The following PRKAR1B variants were observed in gnomAD, a reference collection of about 807,000 sequenced individuals.
PRKAR1B encodes protein kinase cAMP-dependent type I regulatory subunit beta.
A neutral mutation model predicts 46.5 loss-of-function variants in PRKAR1B; 22 were observed. The ratio of observed to expected loss-of-function variants is 0.47; its 90% CI spans 0.34 to 0.68. The LOEUF is 0.68. Ranked by LOEUF, PRKAR1B falls within the 30% of genes least tolerant of loss-of-function variation. PRKAR1B has a pLI of 0.01. For synonymous variants in PRKAR1B, 259 were observed against 217.7 expected, an observed-to-expected ratio of 1.19 and a Z score of -1.67; for missense variants, 445 against 535.6, an observed-to-expected ratio of 0.83 and a Z score of 1.67.
At chr7:570,455 G>A (rs1232343972) in intron 9 of PRKAR1B, among the ~76,000 whole-genome samples, 3 of 152,012 alleles carry the variant, frequency 2.0e-5, no homozygotes, top group African/African-American at 7.2e-5. Context: ...GCGCTCCTGT[G>A]TCCCCGAGGC....
chr7:717,184 GA>G (rs1261596848), intron 1 of PRKAR1B, among the ~76,000 whole-genome samples: 1 of 151,974 alleles, frequency 6.6e-6, no homozygotes. Context: ...AGCTACTTGG[GA>G]GGCTGAGGCA....
chr7:580,899 G>C (rs879892650), intron 8 of PRKAR1B, among the ~76,000 whole-genome samples: 2 of 152,148 alleles, frequency 1.3e-5, no homozygotes, highest in African/African-American at 2.4e-5. Flanking sequence ...GGCGCCGTAG[G>C]TTGCAAAGGA....
In PRKAR1B at chr7:666,247, A is replaced by T. The variant is rs1034527147; in HGVS notation, c.440+10982T>A. Among the ~76,000 whole-genome samples, 1 of 130,088 alleles carries T rather than the reference A, an allele frequency of 7.7e-6. No individual in the cohort carries two copies. The highest frequency in any genetic ancestry group is 1.5e-5 in the Non-Finnish European group (1 of 66,792). 85.3% of individuals were successfully genotyped at this position (130,088 alleles called of 152,430 possible). A position where few individuals can be genotyped will look rare whatever the true frequency, so the allele number is the denominator to read the frequency against. ...GACACACGCTCCAGGGACAGCCTTC[A>T]TGGTCCTGGCACATCAGAGAGCTCC... On this transcript the variant is annotated intron_variant, in intron 4 of 10. Transcript: ENST00000537384. This position sits in a 1 kb window ranked among gnomAD's most constrained non-coding sequence, Gnocchi z 4.9.
At chr7:653,246 G>A (rs77306012) in intron 4 of PRKAR1B, among the ~76,000 whole-genome samples, 1,981 of 152,288 alleles carry the variant, frequency 0.013, 20 homozygotes, top group Middle Eastern at 0.024. Flanking sequence ...CCAATGTCAA[G>A]TACACCATAG....
At chr7:599,671 C>T (rs534064556) in intron 6 of PRKAR1B, among the ~76,000 whole-genome samples, 57 of 152,390 alleles carry the variant, frequency 3.7e-4, no homozygotes, top group African/African-American at 1.3e-3. Context: ...TCTCTGGCGC[C>T]GAGCTCACAC....
chr7:678,838 C>T (rs1478775660), intron 3 of PRKAR1B, among the ~76,000 whole-genome samples: 2 of 152,228 alleles, frequency 1.3e-5, no homozygotes, highest in African/African-American at 4.8e-5. Context: ...GTAATCCCAG[C>T]ACTTTGGGAG....
intron 4 of PRKAR1B, among the ~76,000 whole-genome samples, chr7:615,678 A>T (rs1200570632): frequency 1.3e-5 from 2 of 150,320 alleles, no homozygotes; most frequent in Non-Finnish European, 3.0e-5. Context: ...ACAAAAAAAA[A>T]TTAGCCGGGC....
At chr7:615,700 C>A (rs1315982201) in intron 4 of PRKAR1B, among the ~76,000 whole-genome samples, 1 of 149,692 alleles carries the variant, frequency 6.7e-6, no homozygotes, top group Admixed American at 6.7e-5. Context: ...TGGTGGCAGG[C>A]GCCTGTAGTC....
chr7:649,301 G>T lies in PRKAR1B; in HGVS notation c.440+27928C>A, dbSNP rs533358042. Among the ~76,000 whole-genome samples the T allele has an allele frequency of 3.9e-5, 6 of 152,204 alleles. 1 individual carries two copies. In the South Asian group the frequency reaches 8.3e-4, roughly 21 times the overall value. Reference sequence around the variant, plus strand: ...ATGTAAAAATGTTTTAATTTAAAACGTATCTTAATATTTTTTGATCTCCCT... The same window carrying T: ...ATGTAAAAATGTTTTAATTTAAAACTTATCTTAATATTTTTTGATCTCCCT... On this transcript the variant is annotated intron_variant, in intron 4 of 10. Coordinates refer to ENST00000537384, the MANE Select transcript of PRKAR1B (RefSeq NM_001164760.2).
At chr7:637,635 A>C (rs1583337845) in intron 4 of PRKAR1B, among the ~76,000 whole-genome samples, 1 of 152,124 alleles carries the variant, frequency 6.6e-6, no homozygotes, top group African/African-American at 2.4e-5. Context: ...GGAGATCGAG[A>C]CCAGCCTGGC....
chr7:587,184 ACACT>A (rs1165143566), intron 7 of PRKAR1B, among the ~76,000 whole-genome samples: 2 of 152,148 alleles, frequency 1.3e-5, no homozygotes, highest in Non-Finnish European at 2.9e-5. Context: ...AAGACCCCTG[ACACT>A]CAGAGGAGCC....
At position 706,237 on chromosome 7, in the gene PRKAR1B, G is replaced by T. The variant is rs1406846265; in HGVS notation, c.177+5092C>A. On this transcript the variant is annotated intron_variant, in intron 2 of 10. Coordinates refer to ENST00000537384, the MANE Select transcript of PRKAR1B (RefSeq NM_001164760.2). ...GCTACTCAGGAAGCTGAGGTGGGAA[G>T]ATGGCTTGAGCCTGAGAGGTGGAGG... Among the ~76,000 whole-genome samples, 3 of 152,096 alleles carry T rather than the reference G, an allele frequency of 2.0e-5. No homozygotes were observed. In the East Asian group the frequency reaches 5.8e-4, roughly 29 times the overall value.
intron 9 of PRKAR1B, among the ~76,000 whole-genome samples, chr7:556,637 G>A (rs562849423): frequency 6.6e-6 from 1 of 152,350 alleles, no homozygotes; most frequent in East Asian, 1.9e-4. Context: ...CCTCCCGGAA[G>A]GGGCTGTGGC....
rs1783171613 is a variant in PRKAR1B, at chr7:622,646, G to A, written c.441-15194C>T. 2.6e-5 allele frequency among the ~76,000 whole-genome samples: 4 copies of A among 152,096 alleles called. No individual in the cohort carries two copies. The South Asian group carries it at 8.3e-4, about 32-fold the overall frequency. ...GGGTTGTTATTCCCCCTCCCATGAT[G>A]TCAAAGAGCAGAACACACAGAGGCA... On this transcript the variant is annotated intron_variant, in intron 4 of 10. Transcript: ENST00000537384.
In PRKAR1B at chr7:680,776, G is replaced by A. The variant is rs187610634; in HGVS notation, c.178-50C>T. The A allele has an allele frequency of 1.4e-4, 221 of 1,604,038 alleles. No homozygotes were observed. The African/African-American group carries it at 2.0e-3, about 14-fold the overall frequency. ...AAGGAAGTAAGAACCTGGCTGTCCC[G>A]GCCAGGCACAGGGCCCATGCCTGTG... On this transcript the variant is annotated intron_variant, in intron 2 of 10. Coordinates refer to ENST00000537384, the MANE Select transcript of PRKAR1B (RefSeq NM_001164760.2).
intron 7 of PRKAR1B, among the ~76,000 whole-genome samples, chr7:588,567 T>TGATGGTGATGGTGG (rs1780748149): frequency 3.6e-4 from 7 of 19,324 alleles, no homozygotes; most frequent in East Asian, 1.9e-3. Context: ...GGTGGTGATG[T>TGATGGTGATGGTGG]TGGTGAGGAT....
In PRKAR1B at chr7:677,237, G is replaced by A. The variant is rs536995119; in HGVS notation, c.432C>T (p.Asn144=). 25 of 1,614,216 alleles carry A rather than the reference G, an allele frequency of 1.5e-5. No homozygotes were observed. The East Asian group carries it at 1.6e-4, about 10-fold the overall frequency. ...GGGACGAGTCTGCCTACCTCCTCTCGTTGTCATCCAGGTGAGCGAAGAGCA... is the reference window on the plus strand; with the variant it reads ...GGGACGAGTCTGCCTACCTCCTCTCATTGTCATCCAGGTGAGCGAAGAGCA... The part of the protein sequence containing the change: ...KNVLFAHLDD[N]ERSDIFDAMF... Residue 144 remains asparagine, a synonymous_variant, in exon 4 of 11, where the codon AAC becomes AAT. Coordinates refer to ENST00000537384, the MANE Select transcript of PRKAR1B (RefSeq NM_001164760.2).
intron 9 of PRKAR1B, among the ~76,000 whole-genome samples, chr7:569,506 C>T (rs1361766255): frequency 1.3e-5 from 2 of 152,378 alleles, no homozygotes; most frequent in Non-Finnish European, 1.5e-5. Flanking sequence ...GGACACAGCC[C>T]GTTGTGCCCA....
chr7:714,071 G>A lies in PRKAR1B; in HGVS notation c.-22-2544C>T, dbSNP rs1442850930. On this transcript the variant is annotated intron_variant, in intron 1 of 10. Transcript: ENST00000537384. The surrounding 1 kb of genome is among the most constrained non-coding windows in gnomAD (Gnocchi z 4.3). ...AGCAGTACCATCACGTGCTCCCCGC[G>A]GCCCCTCCACTCCCTCCTCCTCCTC... is the stretch of plus-strand genomic sequence containing the variant. Among the ~76,000 whole-genome samples, 1 of 152,166 alleles carries A rather than the reference G, an allele frequency of 6.6e-6. No individual in the cohort carries two copies. The highest frequency in any genetic ancestry group is 2.4e-5 in the African/African-American group (1 of 41,498).
Sources: allele counts gnomAD v4.1 joint callset (sites outside exome capture counted in the v4.1 genomes callset), GRCh38; gene constraint gnomAD v4.1.1; non-coding constraint Gnocchi (gnomAD v3.1); transcripts MANE v1.5; gene names NCBI Gene and HGNC (gene_info 2026-07-23, HGNC 2026-07-21).